Variants in ATP6V1E1 observed in about 807,000 individuals in gnomAD.
ATP6V1E1 encodes ATPase H+ transporting V1 subunit E1.
ATP6V1E1 carries 21 observed loss-of-function variants against 35.2 expected under a neutral mutation model. That is an observed-to-expected ratio of 0.60 (90% CI 0.42 to 0.86). The LOEUF (loss-of-function observed/expected upper bound fraction) is 0.86. Among genes scored for constraint, ATP6V1E1 ranks in the 40% least tolerant of loss-of-function variants. ATP6V1E1 has a pLI of 0.00. For missense variants in ATP6V1E1, 183 were observed against 272.6 expected (o/e 0.67, Z 2.32); for synonymous variants, 83 against 87.8 (o/e 0.95, Z 0.30).
At chr22:17,602,468 G>A (rs561102506) in intron 4 of ATP6V1E1, among the ~76,000 whole-genome samples, 77 of 151,916 alleles carry the variant, frequency 5.1e-4, no homozygotes, top group African/African-American at 1.8e-3. Flanking sequence ...TCTGCCTCCC[G>A]GGTTCAAGCA....
intron 6 of ATP6V1E1, among the ~76,000 whole-genome samples, chr22:17,599,824 C>T (rs1309029495): frequency 6.6e-6 from 1 of 151,390 alleles, no homozygotes; most frequent in African/African-American, 2.4e-5. Context: ...ACTCGGGAGG[C>T]TGAGGCAGGA....
intron 4 of ATP6V1E1, among the ~76,000 whole-genome samples, chr22:17,602,742 T>C (rs989243434): frequency 5.3e-5 from 8 of 152,212 alleles, no homozygotes; most frequent in African/African-American, 1.9e-4. Context: ...TTTCTGTCTT[T>C]AGAAACTTTT....
intron 6 of ATP6V1E1, among the ~76,000 whole-genome samples, chr22:17,599,309 G>T (rs1324617890): frequency 6.6e-6 from 1 of 151,576 alleles, no homozygotes; most frequent in African/African-American, 2.4e-5. Flanking sequence ...GGGCACGGTG[G>T]CTCGCACCTG....
intron 7 of ATP6V1E1, chr22:17,595,283 G>A (rs556484824): frequency 2.6e-5 from 4 of 152,278 alleles, no homozygotes; most frequent in African/African-American, 7.2e-5. Context: ...CTGACCTCAG[G>A]TGATCCGCCC....
rs150344720 is a variant in ATP6V1E1, at chr22:17,592,800, CTTTTT to C, written c.619-69_619-65del. 1,274 of 717,786 alleles carry C rather than the reference CTTTTT, an allele frequency of 1.8e-3. 1 individual carries two copies. The highest frequency in any genetic ancestry group is 2.1e-3 in the East Asian group (61 of 29,490). 44.5% of individuals were successfully genotyped at this position (717,786 alleles called of 1,614,324 possible). On this transcript the variant is annotated intron_variant, in intron 8 of 8. Transcript: ENST00000253413. ...GAAGAAGTTGTAGAGCGCTGCACAT[CTTTTT>C]TTTTTTTTTTTTTTTGAGACGGAGT...
intron 6 of ATP6V1E1, among the ~76,000 whole-genome samples, chr22:17,599,404 G>A (rs755373774): frequency 6.9e-6 from 1 of 144,850 alleles, no homozygotes; most frequent in African/African-American, 2.6e-5. Context: ...GTGAAACCCT[G>A]TCTCTACTAA....
At chr22:17,618,681 CAAAAAAAAAAAAAAA>C (rs796136446) in intron 2 of ATP6V1E1, among the ~76,000 whole-genome samples, 1 of 72,388 alleles carries the variant, frequency 1.4e-5, no homozygotes, top group Non-Finnish European at 3.2e-5. Context: ...GACTCCATCT[CAAAAAAAAAAAAAAA>C]AAAAAAAAAG....
intron 4 of ATP6V1E1, among the ~76,000 whole-genome samples, chr22:17,603,201 C>T (rs969175021): frequency 5.9e-5 from 9 of 152,166 alleles, no homozygotes; most frequent in East Asian, 1.9e-4. Flanking sequence ...CTGCCTGCCT[C>T]GGCCTCCCAA....
intron 5 of ATP6V1E1, 95 bp from the exon 6 acceptor site, chr22:17,600,190 T>C: frequency 8.8e-7 from 1 of 1,140,458 alleles, no homozygotes; most frequent in South Asian, 1.4e-5. Flanking sequence ...ATCCTAACAC[T>C]TTGGAAGGCC....
At chr22:17,601,525 T>C (rs142074981) in intron 4 of ATP6V1E1, among the ~76,000 whole-genome samples, 119 of 152,276 alleles carry the variant, frequency 7.8e-4, no homozygotes, top group African/African-American at 2.8e-3. Context: ...CCATTTTTTT[T>C]AAGGAAAAAA....
chr22:17,612,944 C>G (rs2057822764), intron 3 of ATP6V1E1, 66 bp from the exon 4 acceptor site: 1 of 1,467,074 alleles, frequency 6.8e-7, no homozygotes, highest in South Asian at 1.2e-5. Flanking sequence ...AATTCGAACT[C>G]CTGGGCTCAA....
chr22:17,624,660 A>G (rs746699308), intron 1 of ATP6V1E1, among the ~76,000 whole-genome samples: 3 of 152,072 alleles, frequency 2.0e-5, no homozygotes, highest in African/African-American at 7.2e-5. Flanking sequence ...GTGTACTAAA[A>G]ATACAAAAAA....
intron 8 of ATP6V1E1, among the ~76,000 whole-genome samples, chr22:17,593,024 G>A (rs1244854545): frequency 2.6e-5 from 4 of 151,896 alleles, no homozygotes; most frequent in East Asian, 1.9e-4. Context: ...TCCTGACCTC[G>A]TGATCCACCC....
At chr22:17,625,265 C>T (rs1472005613) in intron 1 of ATP6V1E1, among the ~76,000 whole-genome samples, 4 of 152,010 alleles carry the variant, frequency 2.6e-5, no homozygotes, top group African/African-American at 9.7e-5. Flanking sequence ...AAACATCCAA[C>T]GAAAAACTTT....
intron 2 of ATP6V1E1, among the ~76,000 whole-genome samples, chr22:17,615,027 G>C (rs1054695817): frequency 6.6e-5 from 10 of 152,220 alleles, no homozygotes; most frequent in African/African-American, 2.4e-4. Flanking sequence ...TATGGGCTGG[G>C]CGCCATGGCT....
intron 3 of ATP6V1E1, 115 bp downstream of exon 3, chr22:17,613,096 G>A: frequency 2.2e-6 from 2 of 920,492 alleles, no homozygotes; most frequent in Admixed American, 2.8e-5. Context: ...CAATTTGTCA[G>A]ATTAGTAGTA....
chr22:17,594,780 C>T (rs1419699581), intron 7 of ATP6V1E1, 164 bp from the exon 8 acceptor site: 2 of 495,704 alleles, frequency 4.0e-6, no homozygotes, highest in East Asian at 7.3e-5. Flanking sequence ...ATGTAACGCA[C>T]AGTTGGTTTC....
intron 4 of ATP6V1E1, among the ~76,000 whole-genome samples, chr22:17,605,832 T>A (rs1169322879): frequency 6.6e-6 from 1 of 151,820 alleles, no homozygotes; most frequent in Non-Finnish European, 1.5e-5. Context: ...TACATTTTTT[T>A]AATTTTTAGT....
intron 2 of ATP6V1E1, among the ~76,000 whole-genome samples, chr22:17,616,855 C>T (rs1270837257): frequency 4.3e-5 from 3 of 69,392 alleles, no homozygotes; most frequent in Non-Finnish European, 6.4e-5. Context: ...GAGACCATCC[C>T]GGCTAAAACG....
Sources: allele counts gnomAD v4.1 joint callset (sites outside exome capture counted in the v4.1 genomes callset), GRCh38; gene constraint gnomAD v4.1.1; transcripts MANE v1.5; gene names NCBI Gene and HGNC (gene_info 2026-07-23, HGNC 2026-07-21).